The following B3GALT1 variants were observed in gnomAD, a reference collection of about 807,000 sequenced individuals.
B3GALT1 encodes the protein UDP-Gal:betaGlcNAc beta 1,3-galactosyltransferase, polypeptide 1.
Under a neutral mutation model 23.2 loss-of-function variants are expected in B3GALT1, and 10 were observed. The observed-to-expected ratio is 0.43, with a 90% confidence interval of 0.27 to 0.73. B3GALT1 has a LOEUF of 0.73. Among genes scored for constraint, B3GALT1 ranks in the 30% least tolerant of loss-of-function variants. The pLI, the probability that B3GALT1 is intolerant of heterozygous loss-of-function variation, is 0.21. For synonymous variants in B3GALT1, 156 were observed against 141.5 expected, an observed-to-expected ratio of 1.10 and a Z score of -0.73; for missense variants, 299 against 405.4, an observed-to-expected ratio of 0.74 and a Z score of 2.25.
intron 1 of B3GALT1, among the ~76,000 whole-genome samples, chr2:167,365,738 A>G (rs1204105232): frequency 6.6e-6 from 1 of 152,138 alleles, no homozygotes; most frequent in Non-Finnish European, 1.5e-5. Flanking sequence ...ATAAAAAAAG[A>G]TGGTCCTAAA....
At chr2:167,594,422 C>T (rs896338766) in intron 2 of B3GALT1, among the ~76,000 whole-genome samples, 1 of 152,096 alleles carries the variant, frequency 6.6e-6, no homozygotes, top group Non-Finnish European at 1.5e-5. Context: ...ACTGTATCAC[C>T]ATAGAGGATT....
intron 1 of B3GALT1, among the ~76,000 whole-genome samples, chr2:167,358,576 T>C (rs944785443): frequency 1.3e-5 from 2 of 152,162 alleles, no homozygotes; most frequent in African/African-American, 4.8e-5. Flanking sequence ...AATGACTATT[T>C]CAAACAGGGC....
At chr2:167,330,500 C>G (rs1434068611) in intron 1 of B3GALT1, among the ~76,000 whole-genome samples, 1 of 152,122 alleles carries the variant, frequency 6.6e-6, no homozygotes, top group African/African-American at 2.4e-5. Flanking sequence ...GTGCCAGCAA[C>G]TTGGGTGGCT....
At chr2:167,294,920 T>C (rs1165807366) in intron 1 of B3GALT1, among the ~76,000 whole-genome samples, 1 of 152,206 alleles carries the variant, frequency 6.6e-6, no homozygotes, top group Non-Finnish European at 1.5e-5. Context: ...TTGATTGGGC[T>C]CATTTCTGAT....
chr2:167,379,926 A>T (rs1026895395), intron 1 of B3GALT1, among the ~76,000 whole-genome samples: 1 of 152,212 alleles, frequency 6.6e-6, no homozygotes, highest in African/African-American at 2.4e-5. Context: ...CTGCCTGTGC[A>T]TGTAGAGGAG....
chr2:167,760,648 A>T (rs1687885770), intron 3 of B3GALT1, among the ~76,000 whole-genome samples: 1 of 145,108 alleles, frequency 6.9e-6, no homozygotes, highest in South Asian at 2.1e-4. Flanking sequence ...CCTTCTAAAC[A>T]TAAGAAAATT....
intron 3 of B3GALT1, among the ~76,000 whole-genome samples, chr2:167,817,364 G>A (rs983494071): frequency 9.2e-5 from 14 of 152,308 alleles, no homozygotes; most frequent in African/African-American, 3.1e-4. Flanking sequence ...TAACGTTGAT[G>A]ACTACCTATG....
intron 2 of B3GALT1, among the ~76,000 whole-genome samples, chr2:167,638,695 A>G (rs1441578063): frequency 2.0e-5 from 3 of 152,030 alleles, no homozygotes; most frequent in African/African-American, 7.2e-5. Context: ...GTACAATTCT[A>G]TTGTGTTTTT....
chr2:167,513,659 A>G (rs1700061127), intron 2 of B3GALT1, among the ~76,000 whole-genome samples: 1 of 152,184 alleles, frequency 6.6e-6, no homozygotes, highest in Non-Finnish European at 1.5e-5. Flanking sequence ...GGAATAGAAG[A>G]ACCAAAATTA....
intron 1 of B3GALT1, among the ~76,000 whole-genome samples, chr2:167,447,295 G>T (rs1307139974): frequency 6.6e-6 from 1 of 152,174 alleles, no homozygotes; most frequent in Admixed American, 6.5e-5. Flanking sequence ...TCCCAGTTAG[G>T]CTACTCCGGG....
At chr2:167,337,863 GA>G (rs1222400942) in intron 1 of B3GALT1, among the ~76,000 whole-genome samples, 1 of 152,088 alleles carries the variant, frequency 6.6e-6, no homozygotes, top group Non-Finnish European at 1.5e-5. Context: ...TAATTATAAA[GA>G]ATAATCAATA....
intron 1 of B3GALT1, among the ~76,000 whole-genome samples, chr2:167,369,606 A>AT (rs1697647654): frequency 6.6e-6 from 1 of 152,176 alleles, no homozygotes; most frequent in Non-Finnish European, 1.5e-5. Flanking sequence ...AAAGGTGGTG[A>AT]TAGTAATACT....
chr2:167,511,323 C>T (rs1181458840), intron 2 of B3GALT1, among the ~76,000 whole-genome samples: 1 of 152,082 alleles, frequency 6.6e-6, no homozygotes, highest in South Asian at 2.1e-4. Context: ...GGATGGTTTT[C>T]CCCCTTCTGT....
intron 2 of B3GALT1, among the ~76,000 whole-genome samples, chr2:167,546,168 G>A (rs910391541): frequency 6.6e-6 from 1 of 152,094 alleles, no homozygotes; most frequent in East Asian, 1.9e-4. Context: ...AAATAAAGAG[G>A]GCACAGCAGA....
intron 3 of B3GALT1, among the ~76,000 whole-genome samples, chr2:167,754,604 G>A (rs1391526847): frequency 6.6e-6 from 1 of 152,142 alleles, no homozygotes; most frequent in Admixed American, 6.6e-5. Flanking sequence ...CTCTGGTTTA[G>A]AGTACCAAAA....
In B3GALT1 at chr2:167,382,671, C is replaced by T. The variant is rs368804226; in HGVS notation, c.-511+89337C>T. Among the ~76,000 whole-genome samples the T allele has an allele frequency of 3.0e-4, 45 of 152,220 alleles. No individual in the cohort carries two copies. In the East Asian group the frequency reaches 6.6e-3, roughly 22 times the overall value. Reference sequence around the variant, plus strand: ...ACCTTGAAATTAAACTTGGTGAATACGGCATATAGAAACCTAGCCAAGTTT... The same window carrying T: ...ACCTTGAAATTAAACTTGGTGAATATGGCATATAGAAACCTAGCCAAGTTT... On this transcript the variant is annotated intron_variant, in intron 1 of 4. Coordinates refer to ENST00000392690, the MANE Select transcript of B3GALT1 (RefSeq NM_020981.4).
chr2:167,583,251 G>C (rs1466563375), intron 2 of B3GALT1, among the ~76,000 whole-genome samples: 1 of 152,100 alleles, frequency 6.6e-6, no homozygotes, highest in African/African-American at 2.4e-5. Flanking sequence ...TCCCTTGGAT[G>C]CCAGGGGCAG....
At chr2:167,649,663 C>T (rs1328908983) in intron 3 of B3GALT1, among the ~76,000 whole-genome samples, 2 of 151,974 alleles carry the variant, frequency 1.3e-5, no homozygotes, top group African/African-American at 4.8e-5. Flanking sequence ...AATAATATTC[C>T]ATTATATGGA....
At chr2:167,575,299 T>G (rs1684361609) in intron 2 of B3GALT1, among the ~76,000 whole-genome samples, 1 of 151,810 alleles carries the variant, frequency 6.6e-6, no homozygotes, top group African/African-American at 2.4e-5. Context: ...ATATGGATGT[T>G]TTCTGGCCAC....
Sources: gnomAD v4.1 joint callset for allele counts (sites outside exome capture counted in the v4.1 genomes callset) on GRCh38, gnomAD v4.1.1 for gene constraint, MANE v1.5 for transcripts, NCBI Gene and HGNC (gene_info 2026-07-23, HGNC 2026-07-21) for gene names.